The following TENT5C variants were observed in gnomAD, a reference collection of about 807,000 sequenced individuals.
The protein encoded by TENT5C is family with sequence similarity 46 member C.
TENT5C carries 5 observed loss-of-function variants against 22.2 expected under a neutral mutation model. That is an observed-to-expected ratio of 0.22 (90% CI 0.12 to 0.47). TENT5C has a LOEUF of 0.47. TENT5C is among the 20% of genes least tolerant of loss of function. The pLI, the probability that TENT5C is intolerant of heterozygous loss-of-function variation, is 0.99. For synonymous variants in TENT5C, 199 were observed against 195.4 expected (o/e 1.02, Z -0.15); for missense variants, 364 against 500.9 (o/e 0.73, Z 2.61).
intron 1 of TENT5C, among the ~76,000 whole-genome samples, chr1:117,620,943 G>A (rs1212687583): frequency 2.0e-5 from 3 of 152,188 alleles, no homozygotes; most frequent in African/African-American, 7.2e-5. Flanking sequence ...GGACACAAAT[G>A]TACTGTGTGC....
rs1031506834 is a variant in TENT5C at position 117,626,660 on chromosome 1, C to G, written c.*2616C>G. The G allele has an allele frequency of 1.2e-5, 3 of 247,934 alleles. No individual in the cohort carries two copies. Among genetic ancestry groups the G allele is most frequent in the Non-Finnish European group, 2.5e-5 (3 of 118,092 alleles). 15.4% of individuals were successfully genotyped at this position (247,934 alleles called of 1,614,324 possible). ...TAATGCTCACACAAGCACCAGGTAC[C>G]CTGAGCTTATACTGAGTCCAGTGGT... On this transcript the variant is annotated 3_prime_UTR_variant, in exon 2 of 2. Coordinates refer to ENST00000369448, the MANE Select transcript of TENT5C (RefSeq NM_017709.4).
At chr1:117,621,855 TTG>T (rs1200911666) in intron 1 of TENT5C, among the ~76,000 whole-genome samples, 1 of 152,302 alleles carries the variant, frequency 6.6e-6, no homozygotes, top group Non-Finnish European at 1.5e-5. Flanking sequence ...CAGGGATCCA[TTG>T]TGTTTTATTT....
chr1:117,625,067 C>G lies in TENT5C; in HGVS notation c.*1023C>G, dbSNP rs1007537476. ...TTCCAAGTATGACACAGCTGTTCTT[C>G]TGGAGTACTTTAGCTATTTTTTGTT... On this transcript the variant is annotated 3_prime_UTR_variant, in exon 2 of 2. Transcript: ENST00000369448. The G allele has an allele frequency of 4.0e-6, 1 of 247,346 alleles. No homozygotes were observed. The highest frequency in any genetic ancestry group is 8.5e-6 in the Non-Finnish European group (1 of 118,040). The allele number at this position is 247,346 out of a possible 1,614,324, so 15.3% of individuals were successfully genotyped here. A position where few individuals can be genotyped will look rare whatever the true frequency, so the allele number is the denominator to read the frequency against.
Position 117,628,052 on chromosome 1 carries a change from T to C in TENT5C, c.*4008T>C, listed in dbSNP as rs1404400467. 4.0e-6 allele frequency: 1 copy of C among 247,992 alleles called. No individual in the cohort carries two copies. The highest frequency in any genetic ancestry group is 6.0e-5 in the East Asian group (1 of 16,580). 15.4% of individuals were successfully genotyped at this position (247,992 alleles called of 1,614,324 possible). Reference sequence around the variant, plus strand: ...GAGGAAGTAGCTAAATACAGATCTGTGGGTGTTTTTAAAAAAACTCAACCT... The same window carrying C: ...GAGGAAGTAGCTAAATACAGATCTGCGGGTGTTTTTAAAAAAACTCAACCT... On this transcript the variant is annotated 3_prime_UTR_variant, in exon 2 of 2. Coordinates refer to ENST00000369448, the MANE Select transcript of TENT5C (RefSeq NM_017709.4).
At position 117,624,871 on chromosome 1, in the gene TENT5C, T is replaced by G. The variant is rs184986484; in HGVS notation, c.*827T>G. On this transcript the variant is annotated 3_prime_UTR_variant, in exon 2 of 2. Coordinates refer to ENST00000369448, the MANE Select transcript of TENT5C (RefSeq NM_017709.4). Reference sequence around the variant, plus strand: ...AATGTTCATTTTTTTCTTTAAAGAATTCTTATTAAATGGCTCCCTGCCTTT... The same window carrying G: ...AATGTTCATTTTTTTCTTTAAAGAAGTCTTATTAAATGGCTCCCTGCCTTT... The G allele has an allele frequency of 1.4e-4, 34 of 247,932 alleles. No homozygotes were observed. Among genetic ancestry groups the G allele is most frequent in the East Asian group, 1.2e-3 (20 of 16,562 alleles). The allele number at this position is 247,932 out of a possible 1,614,324, so 15.4% of individuals were successfully genotyped here.
chr1:117,606,591 C>T (rs1043560411), intron 1 of TENT5C, among the ~76,000 whole-genome samples: 7 of 152,190 alleles, frequency 4.6e-5, no homozygotes, highest in African/African-American at 1.4e-4. Flanking sequence ...TCCTGGCTTG[C>T]AGTCCCTCGG....
At chr1:117,609,221 G>C (rs1370650286) in intron 1 of TENT5C, among the ~76,000 whole-genome samples, 1 of 152,166 alleles carries the variant, frequency 6.6e-6, no homozygotes, top group East Asian at 1.9e-4. Context: ...TTCATTGCAG[G>C]CCGCATAAAG....
chr1:117,618,279 G>A (rs946312221), intron 1 of TENT5C, among the ~76,000 whole-genome samples: 4 of 152,006 alleles, frequency 2.6e-5, no homozygotes, highest in African/African-American at 9.7e-5. Context: ...TATCACAAGG[G>A]TAGCTACATG....
In TENT5C at chr1:117,623,135, A is replaced by G. The variant is rs1193161565; in HGVS notation, c.267A>G (p.Lys89=). 6.2e-7 allele frequency: 1 copy of G among 1,614,230 alleles called. No individual in the cohort carries two copies. Among genetic ancestry groups the G allele is most frequent in the Non-Finnish European group, 8.5e-7 (1 of 1,180,042 alleles). Residue 89 remains lysine (K), a synonymous_variant, in exon 2 of 2, where the codon AAA becomes AAG. Coordinates refer to ENST00000369448, the MANE Select transcript of TENT5C (RefSeq NM_017709.4). ...VLVKDNGLGC[K]DLDLIFHVAL... ...TCAAAGACAATGGCTTGGGCTGCAAAGACCTGGACCTAATCTTCCATGTGG... is the reference window on the plus strand; with the variant it reads ...TCAAAGACAATGGCTTGGGCTGCAAGGACCTGGACCTAATCTTCCATGTGG...
At chr1:117,616,523 G>A (rs1002317796) in intron 1 of TENT5C, among the ~76,000 whole-genome samples, 1 of 152,196 alleles carries the variant, frequency 6.6e-6, no homozygotes, top group African/African-American at 2.4e-5. Flanking sequence ...AGCCACAGGT[G>A]CACGGGTCCC....
chr1:117,624,805 G>C lies in TENT5C; in HGVS notation c.*761G>C. The C allele has an allele frequency of 4.0e-6, 1 of 247,976 alleles. No homozygotes were observed. Among genetic ancestry groups the C allele is most frequent in the Non-Finnish European group, 8.5e-6 (1 of 118,114 alleles). 15.4% of individuals were successfully genotyped at this position (247,976 alleles called of 1,614,324 possible). A position where few individuals can be genotyped will look rare whatever the true frequency, so the allele number is the denominator to read the frequency against. On this transcript the variant is annotated 3_prime_UTR_variant, in exon 2 of 2. Coordinates refer to ENST00000369448, the MANE Select transcript of TENT5C (RefSeq NM_017709.4). ...AACATAATGTTTAATTAGAATTGTGGTGGTGGTAGTGGAAGGGGATAATTG... is the reference window on the plus strand; with the variant it reads ...AACATAATGTTTAATTAGAATTGTGCTGGTGGTAGTGGAAGGGGATAATTG...
rs762319543 is a variant in TENT5C, at chr1:117,623,386, T to C, written c.518T>C (p.Ile173Thr). ...GTGGAGCTGAAGTTTGTCGACTCCATTCGGCGTCAGTTTGAGTTCAGTGTG... is the reference window on the plus strand; with the variant it reads ...GTGGAGCTGAAGTTTGTCGACTCCACTCGGCGTCAGTTTGAGTTCAGTGTG... The part of the protein sequence containing the change: ...KNVELKFVDS[I>T]RRQFEFSVDS... The change falls in exon 2 of 2, where the codon ATT becomes ACT. Residue 173 changes from isoleucine (I) to threonine (T), a missense_variant. By Grantham distance (89) the Ile-to-Thr change is moderately conservative (BLOSUM62 -1). This residue lies in a region of TENT5C where 303 missense variants were observed against 394.5 expected (regional missense o/e 0.77). Coordinates refer to ENST00000369448, the MANE Select transcript of TENT5C (RefSeq NM_017709.4). 1.2e-6 allele frequency: 2 copies of C among 1,614,204 alleles called. No homozygotes were observed. The highest frequency in any genetic ancestry group is 2.2e-5 in the South Asian group (2 of 91,080).
chr1:117,612,345 T>C (rs1247031000), intron 1 of TENT5C, among the ~76,000 whole-genome samples: 1 of 112,694 alleles, frequency 8.9e-6, no homozygotes, highest in Non-Finnish European at 2.0e-5. Flanking sequence ...CCGGTGCTCA[T>C]TCTTTTTTTT....
At chr1:117,620,485 A>T (rs1653869327) in intron 1 of TENT5C, among the ~76,000 whole-genome samples, 1 of 152,220 alleles carries the variant, frequency 6.6e-6, no homozygotes, top group Non-Finnish European at 1.5e-5. Context: ...TATAAAACCC[A>T]TGCCACCAAA....
intron 1 of TENT5C, among the ~76,000 whole-genome samples, chr1:117,618,778 C>A (rs1433209843): frequency 6.6e-6 from 1 of 152,166 alleles, no homozygotes; most frequent in Non-Finnish European, 1.5e-5. Context: ...AATCTACTTC[C>A]CCTAAACTAG....
At chr1:117,609,745 T>C (rs1202516701) in intron 1 of TENT5C, among the ~76,000 whole-genome samples, 1 of 152,234 alleles carries the variant, frequency 6.6e-6, no homozygotes, top group Non-Finnish European at 1.5e-5. Context: ...TGCTCACTGC[T>C]GACTCCCCAG....
At chr1:117,615,862 T>C (rs1275950612) in intron 1 of TENT5C, among the ~76,000 whole-genome samples, 1 of 152,208 alleles carries the variant, frequency 6.6e-6, no homozygotes, top group Non-Finnish European at 1.5e-5. Flanking sequence ...TTGCTATCTT[T>C]GGTGTGTATG....
chr1:117,618,481 C>G (rs1273570472), intron 1 of TENT5C, among the ~76,000 whole-genome samples: 1 of 151,780 alleles, frequency 6.6e-6, no homozygotes, highest in Non-Finnish European at 1.5e-5. Context: ...AGTCTCTCTT[C>G]CTCTGTTCAT....
chr1:117,609,786 G>C lies in TENT5C; in HGVS notation c.-28+3633G>C, dbSNP rs73004364. On this transcript the variant is annotated intron_variant, in intron 1 of 1. Coordinates refer to ENST00000369448, the MANE Select transcript of TENT5C (RefSeq NM_017709.4). ...GCTTATAGAGCTGGCCTGGCACACAGAAGGTGTTCTGTCATTTGGATACAT... is the reference window on the plus strand; with the variant it reads ...GCTTATAGAGCTGGCCTGGCACACACAAGGTGTTCTGTCATTTGGATACAT... 1.5e-3 allele frequency among the ~76,000 whole-genome samples: 230 copies of C among 152,326 alleles called. 1 individual carries two copies. The highest frequency in any genetic ancestry group is 5.4e-3 in the African/African-American group (224 of 41,568).
Sources: allele counts gnomAD v4.1 joint callset (sites outside exome capture counted in the v4.1 genomes callset), GRCh38; gene constraint gnomAD v4.1.1; regional missense constraint gnomAD v4.1.1; transcripts MANE v1.5; gene names NCBI Gene and HGNC (gene_info 2026-07-23, HGNC 2026-07-21).